Variants in PDLIM3 observed in about 807,000 individuals in gnomAD.
The protein encoded by PDLIM3 is PDZ and LIM domain protein 3.
In PDLIM3, 36 loss-of-function variants were observed where a neutral mutation model predicts 37.3. The observed-to-expected ratio is 0.97, with a 90% CI of 0.74 to 1.28. The LOEUF is 1.28. Ranked by LOEUF, PDLIM3 falls within the 50% of genes most tolerant of loss-of-function variation. The pLI, the probability that PDLIM3 is intolerant of heterozygous loss-of-function variation, is 0.00. For synonymous variants in PDLIM3, 174 were observed against 182.4 expected (o/e 0.95, Z 0.37); for missense variants, 454 against 485.0 (o/e 0.94, Z 0.60).
At chr4:185,533,765 T>C (rs765755333) in intron 1 of PDLIM3, among the ~76,000 whole-genome samples, 9 of 152,158 alleles carry the variant, frequency 5.9e-5, no homozygotes, top group Non-Finnish European at 1.2e-4. Context: ...ACTCAAAATT[T>C]CAAGCATATG....
chr4:185,506,380 T>A, intron 6 of PDLIM3, 142 bp downstream of exon 6: 1 of 1,096,896 alleles, frequency 9.1e-7, no homozygotes, highest in Non-Finnish European at 1.4e-6. Context: ...CCATATCCTA[T>A]CCTTCTGAGC....
intron 1 of PDLIM3, among the ~76,000 whole-genome samples, chr4:185,530,962 A>G (rs1292524649): frequency 8.8e-6 from 1 of 113,470 alleles, no homozygotes; most frequent in African/African-American, 3.2e-5. Context: ...GTATGCATGC[A>G]TAGAAACACA....
intron 3 of PDLIM3, among the ~76,000 whole-genome samples, chr4:185,519,884 C>T (rs1039993150): frequency 6.6e-6 from 1 of 152,186 alleles, no homozygotes. Flanking sequence ...TATTCATCTG[C>T]AATGACATCC....
chr4:185,520,282 C>T (rs1014313038), intron 3 of PDLIM3, among the ~76,000 whole-genome samples: 3 of 152,152 alleles, frequency 2.0e-5, no homozygotes. Flanking sequence ...TCCTTTGGTT[C>T]ATTAGTAGAA....
intron 1 of PDLIM3, among the ~76,000 whole-genome samples, chr4:185,528,409 T>C (rs1178485304): frequency 6.6e-6 from 1 of 152,252 alleles, no homozygotes; most frequent in African/African-American, 2.4e-5. Context: ...AAGTTGAATA[T>C]CTTAGATACT....
At chr4:185,535,157 G>A (rs1333024125) in intron 1 of PDLIM3, among the ~76,000 whole-genome samples, 185 bp downstream of exon 1, 4 of 152,156 alleles carry the variant, frequency 2.6e-5, no homozygotes, top group Non-Finnish European at 5.9e-5. Context: ...GAGCCGCTCC[G>A]CAGCCACTTG....
At chr4:185,503,750 C>A (rs1039652663) in intron 7 of PDLIM3, among the ~76,000 whole-genome samples, 1 of 152,176 alleles carries the variant, frequency 6.6e-6, no homozygotes, top group African/African-American at 2.4e-5. Context: ...GAGTTTGAGA[C>A]CTGCCTGGCC....
rs144509946 is a variant in PDLIM3, at chr4:185,509,976, C to T, written c.399-1414G>A. Among the ~76,000 whole-genome samples, 1,262 of 151,992 alleles carry T rather than the reference C, an allele frequency of 8.3e-3. 17 individuals are homozygous for T. Among genetic ancestry groups the T allele is most frequent in the African/African-American group, 0.028 (1,171 of 41,410 alleles). ...AACTACCTACATAACCTAAACCAGA[C>T]AGGTGAATACCAGCTTGCTCCTTCA... is the stretch of plus-strand genomic sequence containing the variant. On this transcript the variant is annotated intron_variant, in intron 4 of 7. Coordinates refer to ENST00000284767, the MANE Select transcript of PDLIM3 (RefSeq NM_014476.6).
Position 185,514,262 on chromosome 4 carries a change from C to A in PDLIM3, c.398+8G>T. 1 of 1,614,236 alleles carries A rather than the reference C, an allele frequency of 6.2e-7. No homozygotes were observed. The highest frequency in any genetic ancestry group is 8.5e-7 in the Non-Finnish European group (1 of 1,180,044). ...CACTGCAAACTCCACAGTCTCAGCG[C>A]TTATGACCTGCTTCGGCCCGGGATC... On this transcript the variant is annotated splice_region_variant and intron_variant, in intron 4 of 7. Coordinates refer to ENST00000284767, the MANE Select transcript of PDLIM3 (RefSeq NM_014476.6). This position sits in a 1 kb window ranked among gnomAD's most constrained non-coding sequence, Gnocchi z 4.0.
At chr4:185,503,005 A>G (rs2095689726) in intron 7 of PDLIM3, among the ~76,000 whole-genome samples, 1 of 152,178 alleles carries the variant, frequency 6.6e-6, no homozygotes, top group Non-Finnish European at 1.5e-5. Flanking sequence ...AGGCGGGCAG[A>G]TCACAAGGTC....
chr4:185,510,587 A>C (rs1328635524), intron 4 of PDLIM3, among the ~76,000 whole-genome samples: 5 of 152,104 alleles, frequency 3.3e-5, no homozygotes, highest in Admixed American at 6.5e-5. Flanking sequence ...TTGATATTTC[A>C]AGGCTACCAT....
chr4:185,506,699 C>G, intron 5 of PDLIM3, 47 bp from the exon 6 acceptor site: 1 of 1,591,602 alleles, frequency 6.3e-7, no homozygotes. Flanking sequence ...CTGGGAGGCA[C>G]CAGACGTGCA....
intron 3 of PDLIM3, among the ~76,000 whole-genome samples, chr4:185,520,941 T>C (rs1448495869): frequency 1.5e-5 from 1 of 66,342 alleles, no homozygotes; most frequent in African/African-American, 2.7e-5. Context: ...CAATATTGGA[T>C]GTGTGCTGTG....
chr4:185,532,835 G>A lies in PDLIM3; in HGVS notation c.93+2507C>T, dbSNP rs1056779576. 2.0e-5 allele frequency among the ~76,000 whole-genome samples: 3 copies of A among 152,178 alleles called. No homozygotes were observed. The East Asian group carries it at 5.8e-4, about 29-fold the overall frequency. On this transcript the variant is annotated intron_variant, in intron 1 of 7. Transcript: ENST00000284767. ...TTGGACGGGGGAGCCAAATGTCTAG[G>A]CGTGGAGCTAGGAAATCTTGAAGAG...
At chr4:185,523,502 G>T in intron 2 of PDLIM3, 56 bp from the exon 3 acceptor site, 1 of 1,089,360 alleles carries the variant, frequency 9.2e-7, no homozygotes, top group Non-Finnish European at 1.4e-6. Flanking sequence ...TTCAGTTTTA[G>T]CATACTTTAG....
chr4:185,535,225 C>G, intron 1 of PDLIM3, 117 bp downstream of exon 1: 1 of 892,032 alleles, frequency 1.1e-6, no homozygotes, highest in South Asian at 1.5e-5. Context: ...AGCAGCGCCC[C>G]GTCCGCCCGC....
At chr4:185,525,282 A>C in intron 1 of PDLIM3, 111 bp from the exon 2 acceptor site, 1 of 1,028,148 alleles carries the variant, frequency 9.7e-7, no homozygotes, top group East Asian at 2.5e-5. Flanking sequence ...AATTGGGCAG[A>C]AAGACTGTAA....
At chr4:185,524,430 G>A (rs1234056179) in intron 2 of PDLIM3, among the ~76,000 whole-genome samples, 1 of 152,168 alleles carries the variant, frequency 6.6e-6, no homozygotes, top group East Asian at 1.9e-4. Flanking sequence ...TTGGATCAGG[G>A]ATCTGATGGC....
At position 185,514,241 on chromosome 4, in the gene PDLIM3, G is replaced by A. The variant is rs759287883; in HGVS notation, c.398+29C>T. 1 of 1,614,166 alleles carries A rather than the reference G, an allele frequency of 6.2e-7. No homozygotes were observed. The highest frequency in any genetic ancestry group is 8.5e-7 in the Non-Finnish European group (1 of 1,180,014). ...AGAACTGATTTAAGAAGCATGCACT[G>A]CAAACTCCACAGTCTCAGCGCTTAT... On this transcript the variant is annotated intron_variant, in intron 4 of 7. Coordinates refer to ENST00000284767, the MANE Select transcript of PDLIM3 (RefSeq NM_014476.6). The surrounding 1 kb of genome is among the most constrained non-coding windows in gnomAD (Gnocchi z 4.0).
Sources: allele counts gnomAD v4.1 joint callset (sites outside exome capture counted in the v4.1 genomes callset), GRCh38; gene constraint gnomAD v4.1.1; non-coding constraint Gnocchi (gnomAD v3.1); transcripts MANE v1.5; gene names NCBI Gene and HGNC (gene_info 2026-07-23, HGNC 2026-07-21).